The following CNKSR1 variants were observed in gnomAD, a reference collection of about 807,000 sequenced individuals.
CNKSR1 encodes the protein connector enhancer of kinase suppressor of Ras 1.
In CNKSR1, 88 loss-of-function variants were observed where a neutral mutation model predicts 95.6. The ratio of observed to expected loss-of-function variants is 0.92; its 90% CI spans 0.78 to 1.10. The LOEUF (loss-of-function observed/expected upper bound fraction) is 1.10, where lower values mean the gene tolerates loss of function less well. Among genes scored for constraint, CNKSR1 ranks in the 50% least tolerant of loss-of-function variants. The pLI, the probability that CNKSR1 is intolerant of heterozygous loss-of-function variation, is 0.00. For missense variants in CNKSR1, 836 were observed against 912.0 expected (o/e 0.92, Z 1.07); for synonymous variants, 355 against 369.7 (o/e 0.96, Z 0.46).
chr1:26,183,289 C>G (rs1348960180), intron 7 of CNKSR1, 33 bp downstream of exon 7: 2 of 1,613,956 alleles, frequency 1.2e-6, no homozygotes, highest in African/African-American at 2.7e-5. Context: ...AGCCGCCCAT[C>G]CCCGAGGCCT....
In CNKSR1 at chr1:26,183,753, G is replaced by A. The variant is rs772940668; in HGVS notation, c.778G>A (p.Val260Met). 6.2e-7 allele frequency: 1 copy of A among 1,613,568 alleles called. No homozygotes were observed. The highest frequency in any genetic ancestry group is 8.5e-7 in the Non-Finnish European group (1 of 1,179,634). ...GGTGGGATGGCCCCGTAAGAACATG[G>A]TGAGGGAACTGCTGCGGGAGCCAGC... ...VVVGWPRKNM[V>M]RELLREPAGL... The change falls in exon 9 of 21, where the codon GTG (valine) becomes ATG (methionine). Residue 260 changes from valine (V) to methionine (M), a missense_variant. By Grantham distance (21) the Val-to-Met change is conservative (BLOSUM62 1). Coordinates refer to ENST00000361530, the MANE Select transcript of CNKSR1 (RefSeq NM_006314.3).
rs1013818072 is a variant in CNKSR1 at position 26,180,719 on chromosome 1, C to T, written c.215C>T (p.Ser72Phe). ...GGVEQLQALS[S>F]RLQTENLQSL... ...CTTGCCCTCTTTCTGGCACAGAGCT[C>T]CAGGCTACAGACAGAGAACCTGCAA... The change falls in exon 3 of 21, where the codon TCC (serine) becomes TTC (phenylalanine). Residue 72 changes from serine (S) to phenylalanine (F), a missense_variant. Ser to Phe is a radical substitution (Grantham distance 155). Transcript: ENST00000361530. The T allele has an allele frequency of 1.8e-5, 29 of 1,614,128 alleles. No homozygotes were observed. Among genetic ancestry groups the T allele is most frequent in the South Asian group, 4.4e-5 (4 of 91,082 alleles).
chr1:26,183,699 T>A (rs1193513750), intron 8 of CNKSR1, 30 bp from the exon 9 acceptor site: 8 of 1,508,714 alleles, frequency 5.3e-6, no homozygotes, highest in African/African-American at 1.4e-5. Context: ...CCTGCCCAGG[T>A]TGATACCAGC....
Position 26,184,163 on chromosome 1 carries a change from T to A in CNKSR1, c.926+22T>A, listed in dbSNP as rs770946606. 9 of 1,612,228 alleles carry A rather than the reference T, an allele frequency of 5.6e-6. No homozygotes were observed. In the Admixed American group the frequency reaches 1.3e-4, roughly 24 times the overall value. On this transcript the variant is annotated intron_variant, in intron 10 of 20. Transcript: ENST00000361530. ...CCAGGTAACAGGCTCTGTCCAGGTG[T>A]GTCTTGGTGGGGAGACCGTGGGCTC... is the stretch of plus-strand genomic sequence containing the variant.
chr1:26,189,164 C>A (rs2088819195), intron 20 of CNKSR1, 115 bp from the exon 21 acceptor site: 2 of 1,400,468 alleles, frequency 1.4e-6, no homozygotes, highest in Admixed American at 1.7e-5. Flanking sequence ...GCTCCTCGTG[C>A]CACGCTGGCC....
chr1:26,180,460 C>G lies in CNKSR1; in HGVS notation c.60C>G (p.Asp20Glu). The change falls in exon 2 of 21, where the codon GAC (aspartate) becomes GAG (glutamate). Residue 20 changes from aspartate to glutamate, a missense_variant. Transcript: ENST00000361530. ...GKVATWLRGL[D>E]DSLQDYPFED... ...GCCTTACTCTCCCTCCAGGTCTTGA[C>G]GACTCCCTGCAGGACTATCCCTTTG... is the stretch of plus-strand genomic sequence containing the variant. 3 of 1,613,982 alleles carry G rather than the reference C, an allele frequency of 1.9e-6. No individual in the cohort carries two copies. The highest frequency in any genetic ancestry group is 2.5e-6 in the Non-Finnish European group (3 of 1,180,034).
intron 8 of CNKSR1, 97 bp downstream of exon 8, chr1:26,183,511 T>G (rs1557621668): frequency 1.1e-5 from 15 of 1,347,276 alleles, no homozygotes; most frequent in Admixed American, 1.9e-5. Context: ...TGACCAGGGT[T>G]GTGGGAGCTG....
Position 26,188,473 on chromosome 1 carries a change from G to C in CNKSR1, c.1560G>C (p.Pro520=). The change falls in exon 18 of 21, where the codon CCG becomes CCC. Residue 520 remains proline, a synonymous_variant. Coordinates refer to ENST00000361530, the MANE Select transcript of CNKSR1 (RefSeq NM_006314.3). ...DCYSETEAED[P]DDEAGSHSAS... is the part of the protein sequence containing the mutation. Reference sequence around the variant, plus strand: ...ACAGTGAGACCGAAGCAGAGGACCCGGACGATGAGGCTGGGTCCCACTCAG... The same window carrying C: ...ACAGTGAGACCGAAGCAGAGGACCCCGACGATGAGGCTGGGTCCCACTCAG... 6.2e-7 allele frequency: 1 copy of C among 1,604,982 alleles called. No homozygotes were observed. Among genetic ancestry groups the C allele is most frequent in the African/African-American group, 1.3e-5 (1 of 74,896 alleles).
In CNKSR1 at chr1:26,184,632, A is replaced by T. The variant is rs1314187767; in HGVS notation, c.1135+20A>T. The T allele has an allele frequency of 6.3e-7, 1 of 1,590,014 alleles. No homozygotes were observed. Among genetic ancestry groups the T allele is most frequent in the Admixed American group, 1.8e-5 (1 of 55,884 alleles). Reference sequence around the variant, plus strand: ...CAAAAGGTATGAGGTGCGCTGGACTAGGTGGGGGTTCCCCTGTTTGAGGAG... The same window carrying T: ...CAAAAGGTATGAGGTGCGCTGGACTTGGTGGGGGTTCCCCTGTTTGAGGAG... On this transcript the variant is annotated intron_variant, in intron 13 of 20. Coordinates refer to ENST00000361530, the MANE Select transcript of CNKSR1 (RefSeq NM_006314.3).
In CNKSR1 at chr1:26,185,041, G is replaced by C. The variant is rs780643401; in HGVS notation, c.1163G>C (p.Arg388Pro). 6.2e-7 allele frequency: 1 copy of C among 1,602,720 alleles called. No homozygotes were observed. Among genetic ancestry groups the C allele is most frequent in the African/African-American group, 1.3e-5 (1 of 74,954 alleles). Reference sequence around the variant, plus strand: ...CTGGCGACCCGGCTGAGCCGCCGGCGGGTGTCATGCCGTGAGCTGGGCCGG... The same window carrying C: ...CTGGCGACCCGGCTGAGCCGCCGGCCGGTGTCATGCCGTGAGCTGGGCCGG... ...KGLATRLSRRRVSCRELGRPD... is the reference protein window; with the variant it reads ...KGLATRLSRRPVSCRELGRPD... Residue 388 changes from arginine to proline, a missense_variant, in exon 14 of 21, where the codon CGG becomes CCG. Arg to Pro is a moderately radical substitution (Grantham distance 103). Coordinates refer to ENST00000361530, the MANE Select transcript of CNKSR1 (RefSeq NM_006314.3).
chr1:26,185,294 C>A, intron 14 of CNKSR1, 108 bp downstream of exon 14: 1 of 1,201,406 alleles, frequency 8.3e-7, no homozygotes, highest in East Asian at 2.6e-5. Flanking sequence ...GCTTTGATGT[C>A]CCCATCTGTA....
chr1:26,185,170 G>C lies in CNKSR1; in HGVS notation c.1292G>C (p.Trp431Ser). 1 of 1,557,056 alleles carries C rather than the reference G, an allele frequency of 6.4e-7. No homozygotes were observed. The highest frequency in any genetic ancestry group is 8.7e-7 in the Non-Finnish European group (1 of 1,150,522). The change falls in exon 14 of 21, where the codon TGG becomes TCG. Residue 431 changes from tryptophan (W) to serine (S), a missense_variant. Transcript: ENST00000361530. ...WFVLKGHTLYWYRQPQDEKAE... is the reference protein window; with the variant it reads ...WFVLKGHTLYSYRQPQDEKAE... ...GTGCTCAAGGGACACACGCTCTACT[G>C]GTACCGCCAGCCCCAGGTAAGACCC...
chr1:26,183,775 C>G lies in CNKSR1; in HGVS notation c.800C>G (p.Pro267Arg). Reference sequence around the variant, plus strand: ...ATGGTGAGGGAACTGCTGCGGGAGCCAGCCGGACTCAGCTTAGTGCTGAAG... The same window carrying G: ...ATGGTGAGGGAACTGCTGCGGGAGCGAGCCGGACTCAGCTTAGTGCTGAAG... Reference protein sequence around the residue: ...KNMVRELLREPAGLSLVLKKI... With the variant: ...KNMVRELLRERAGLSLVLKKI... The change falls in exon 9 of 21, where the codon CCA (proline) becomes CGA (arginine). Residue 267 changes from proline (P) to arginine (R), a missense_variant. Coordinates refer to ENST00000361530, the MANE Select transcript of CNKSR1 (RefSeq NM_006314.3). The G allele has an allele frequency of 1.2e-6, 2 of 1,613,688 alleles. No individual in the cohort carries two copies. Among genetic ancestry groups the G allele is most frequent in the Non-Finnish European group, 1.7e-6 (2 of 1,179,758 alleles).
In CNKSR1 at chr1:26,188,973, G is replaced by A; in HGVS notation, c.1872+20G>A. 3 of 1,612,218 alleles carry A rather than the reference G, an allele frequency of 1.9e-6. No individual in the cohort carries two copies. Among genetic ancestry groups the A allele is most frequent in the Non-Finnish European group, 8.5e-7 (1 of 1,179,090 alleles). ...CTCAAGGTCAGCTGGGGGGCTCTGG[G>A]CACAGCAAGGGACTAGGCTCTGGGC... On this transcript the variant is annotated intron_variant, in intron 20 of 20. Transcript: ENST00000361530.
At chr1:26,188,374 G>A (rs2088794255) in intron 17 of CNKSR1, 67 bp downstream of exon 17, 2 of 1,609,074 alleles carry the variant, frequency 1.2e-6, no homozygotes, top group Non-Finnish European at 1.7e-6. Context: ...TGGGATGGGG[G>A]CTAGGAACTC....
chr1:26,185,951 G>T (rs1430191438), intron 14 of CNKSR1, among the ~76,000 whole-genome samples: 1 of 152,214 alleles, frequency 6.6e-6, no homozygotes, highest in African/African-American at 2.4e-5. Flanking sequence ...TGTGAACCCA[G>T]CTCTAGGCTG....
At chr1:26,187,851 G>C (rs2088782779) in intron 16 of CNKSR1, among the ~76,000 whole-genome samples, 1 of 151,964 alleles carries the variant, frequency 6.6e-6, no homozygotes, top group Non-Finnish European at 1.5e-5. Flanking sequence ...TTGAACTCCT[G>C]ACCTTGTGAT....
At chr1:26,181,375 C>T (rs1054361707) in intron 3 of CNKSR1, among the ~76,000 whole-genome samples, 2 of 151,860 alleles carry the variant, frequency 1.3e-5, no homozygotes, top group African/African-American at 4.8e-5. Context: ...GTTCCCACCC[C>T]ACCCTCCAGC....
chr1:26,177,662 C>G lies in CNKSR1; in HGVS notation c.52+63C>G. ...CTAGGTGTGGTGTCCCACCGGGAAG[C>G]GGGAGGAGAGGAAAAGGAAAAAAAA... On this transcript the variant is annotated intron_variant, in intron 1 of 20. Coordinates refer to ENST00000361530, the MANE Select transcript of CNKSR1 (RefSeq NM_006314.3). The G allele has an allele frequency of 3.1e-6, 5 of 1,587,822 alleles. No individual in the cohort carries two copies. The South Asian group carries it at 5.6e-5, about 18-fold the overall frequency.
Sources: allele counts gnomAD v4.1 joint callset (sites outside exome capture counted in the v4.1 genomes callset), GRCh38; gene constraint gnomAD v4.1.1; transcripts MANE v1.5; gene names NCBI Gene and HGNC (gene_info 2026-07-23, HGNC 2026-07-21).